The following CNTNAP2 variants were observed in gnomAD, a reference collection of about 807,000 sequenced individuals.
The protein encoded by CNTNAP2 is contactin-associated protein-like 2.
CNTNAP2 carries 98 observed loss-of-function variants against 155.2 expected under a neutral mutation model. The observed-to-expected ratio is 0.63, with a 90% CI of 0.54 to 0.75. The LOEUF is 0.75. Ranked by LOEUF, CNTNAP2 falls within the 30% of genes least tolerant of loss-of-function variation. The pLI is 0.00. For synonymous variants in CNTNAP2, 651 were observed against 631.2 expected (o/e 1.03, Z -0.47); for missense variants, 1,727 against 1,688.1 (o/e 1.02, Z -0.40).
At chr7:146,906,776 C>T (rs1796138476) in intron 3 of CNTNAP2, among the ~76,000 whole-genome samples, 1 of 152,098 alleles carries the variant, frequency 6.6e-6, no homozygotes, top group African/African-American at 2.4e-5. Flanking sequence ...CAGCTCCTCA[C>T]CAGCAACGGA....
chr7:148,386,144 G>A (rs1269726881), intron 22 of CNTNAP2, among the ~76,000 whole-genome samples: 1 of 152,048 alleles, frequency 6.6e-6, no homozygotes, highest in Non-Finnish European at 1.5e-5. Flanking sequence ...AGATCCATTT[G>A]CAGAAAAATT....
intron 3 of CNTNAP2, among the ~76,000 whole-genome samples, chr7:146,987,812 C>T (rs1798140461): frequency 1.3e-5 from 2 of 152,046 alleles, no homozygotes; most frequent in African/African-American, 2.4e-5. Flanking sequence ...TAAACTCTTT[C>T]GGTCTCAAAT....
intron 1 of CNTNAP2, among the ~76,000 whole-genome samples, chr7:146,242,901 GTAA>G (rs936144639): frequency 2.6e-5 from 4 of 152,088 alleles, no homozygotes; most frequent in African/African-American, 9.7e-5. Context: ...TTAGAGAAAG[GTAA>G]TAATTTCAAG....
chr7:147,307,084 A>T (rs1405116123), intron 9 of CNTNAP2, among the ~76,000 whole-genome samples: 3 of 152,250 alleles, frequency 2.0e-5, no homozygotes, highest in African/African-American at 7.2e-5. Flanking sequence ...TCTACTAAAC[A>T]GTGAAGCATA....
intron 17 of CNTNAP2, among the ~76,000 whole-genome samples, chr7:148,151,411 T>C (rs1395102604): frequency 1.3e-5 from 2 of 152,016 alleles, no homozygotes; most frequent in Non-Finnish European, 2.9e-5. Flanking sequence ...GTTCAAGTGA[T>C]TCTCCTCTCT....
chr7:147,143,900 T>C (rs1227594563), intron 8 of CNTNAP2, among the ~76,000 whole-genome samples: 2 of 152,188 alleles, frequency 1.3e-5, no homozygotes, highest in African/African-American at 4.8e-5. Flanking sequence ...GCCTTGAAAT[T>C]AGTCATATTC....
intron 13 of CNTNAP2, among the ~76,000 whole-genome samples, chr7:147,765,690 C>T (rs1396194020): frequency 1.3e-5 from 2 of 151,700 alleles, no homozygotes; most frequent in Non-Finnish European, 2.9e-5. Flanking sequence ...GTAAAAAAAA[C>T]ATGTGGTTAT....
chr7:147,284,149 G>T (rs1265056316), intron 8 of CNTNAP2, among the ~76,000 whole-genome samples: 1 of 151,466 alleles, frequency 6.6e-6, no homozygotes, highest in African/African-American at 2.4e-5. Flanking sequence ...ATTTTAATGT[G>T]CCCTAAATAA....
At chr7:147,257,738 C>G (rs964659464) in intron 8 of CNTNAP2, among the ~76,000 whole-genome samples, 5 of 152,160 alleles carry the variant, frequency 3.3e-5, no homozygotes, top group African/African-American at 1.2e-4. Context: ...AGTTAAGGAT[C>G]TTTTCACATG....
chr7:146,312,347 A>G (rs1225441990), intron 1 of CNTNAP2, among the ~76,000 whole-genome samples: 1 of 152,218 alleles, frequency 6.6e-6, no homozygotes, highest in Non-Finnish European at 1.5e-5. Context: ...ACATCTCGGA[A>G]TAACTGGTAA....
rs141248743 is a variant in CNTNAP2 at position 146,716,003 on chromosome 7, G to A, written c.98-58268G>A. ...CTATCCCAACTTGAGAGAAGAATGA[G>A]CAGCCGCCATAGGTCATTAACATGC... On this transcript the variant is annotated intron_variant, in intron 1 of 23. Transcript: ENST00000361727. Among the ~76,000 whole-genome samples, 959 of 152,112 alleles carry A rather than the reference G, an allele frequency of 6.3e-3. 14 individuals carry two copies. The highest frequency in any genetic ancestry group is 0.022 in the African/African-American group (918 of 41,490).
At chr7:147,391,383 G>A (rs879907222) in intron 9 of CNTNAP2, among the ~76,000 whole-genome samples, 2 of 152,058 alleles carry the variant, frequency 1.3e-5, no homozygotes, top group African/African-American at 4.8e-5. Context: ...TATAGAGGTT[G>A]TCTATGTTTA....
intron 3 of CNTNAP2, among the ~76,000 whole-genome samples, chr7:147,038,503 G>A (rs1376028428): frequency 6.6e-6 from 1 of 152,122 alleles, no homozygotes; most frequent in East Asian, 1.9e-4. Context: ...TGATGTCATC[G>A]CAGATGTGCT....
intron 14 of CNTNAP2, among the ~76,000 whole-genome samples, chr7:147,942,285 A>G (rs1800738382): frequency 6.6e-6 from 1 of 152,232 alleles, no homozygotes; most frequent in South Asian, 2.1e-4. Context: ...GTAGCTGCCA[A>G]TGCTGATCAA....
At chr7:146,192,605 A>T (rs1798722803) in intron 1 of CNTNAP2, among the ~76,000 whole-genome samples, 1 of 151,816 alleles carries the variant, frequency 6.6e-6, no homozygotes, top group Non-Finnish European at 1.5e-5. Flanking sequence ...GGAAAGACCC[A>T]CCCCCATGAT....
chr7:147,506,054 T>A (rs553953070), intron 11 of CNTNAP2, among the ~76,000 whole-genome samples: 1 of 152,298 alleles, frequency 6.6e-6, no homozygotes, highest in South Asian at 2.1e-4. Flanking sequence ...AGTTCTTAGC[T>A]AAGGAGATGT....
Position 147,132,466 on chromosome 7 carries a change from C to T in CNTNAP2, c.1305C>T (p.Ile435=). ...CTGAAAGCAAAGTGGGTGTTCACAT[C>T]AACATCACACAGACCAAGATGAGCC... The part of the protein sequence containing the change: ...DLTESKVGVH[I]NITQTKMSQI... The change falls in exon 8 of 24, where the codon ATC becomes ATT. Residue 435 remains isoleucine (I), a synonymous_variant. Coordinates refer to ENST00000361727, the MANE Select transcript of CNTNAP2 (RefSeq NM_014141.6). 1.2e-6 allele frequency: 2 copies of T among 1,613,646 alleles called. No homozygotes were observed. The highest frequency in any genetic ancestry group is 1.7e-6 in the Non-Finnish European group (2 of 1,179,716).
intron 9 of CNTNAP2, among the ~76,000 whole-genome samples, chr7:147,312,302 G>A (rs576938237): frequency 1.2e-4 from 18 of 151,570 alleles, no homozygotes; most frequent in African/African-American, 4.1e-4. Context: ...GGGTACATGT[G>A]CACAATGTGC....
intron 1 of CNTNAP2, among the ~76,000 whole-genome samples, chr7:146,380,680 G>A (rs1795368545): frequency 6.7e-6 from 1 of 150,104 alleles, no homozygotes; most frequent in South Asian, 2.1e-4. Context: ...GAGAAACAGG[G>A]ACAAATTATT....
Sources: allele counts gnomAD v4.1 joint callset (sites outside exome capture counted in the v4.1 genomes callset), GRCh38; gene constraint gnomAD v4.1.1; transcripts MANE v1.5; gene names NCBI Gene and HGNC (gene_info 2026-07-23, HGNC 2026-07-21).